DNER: variants seen among roughly 807,000 people sequenced by gnomAD.
DNER encodes the protein delta/notch like EGF repeat containing.
Under a neutral mutation model 78.2 loss-of-function variants are expected in DNER, and 33 were observed. The ratio of observed to expected loss-of-function variants is 0.42; its 90% CI spans 0.32 to 0.56. The LOEUF is 0.56. Ranked by LOEUF, DNER falls within the 20% of genes least tolerant of loss-of-function variation. The probability of loss-of-function intolerance (pLI) is 0.11; values close to 1 mark genes in which losing one functional copy is unlikely to be tolerated. For synonymous variants in DNER, 417 were observed against 384.8 expected (o/e 1.08, Z -0.98); for missense variants, 918 against 975.3 (o/e 0.94, Z 0.78).
chr2:229,520,034 C>A (rs1696063124), intron 5 of DNER, among the ~76,000 whole-genome samples: 1 of 152,084 alleles, frequency 6.6e-6, no homozygotes, highest in Non-Finnish European at 1.5e-5. Flanking sequence ...CCTAATTGCT[C>A]CTGAACAGAC....
rs769355249 is a variant in DNER at position 229,387,501 on chromosome 2, A to G, written c.1855+764T>C. Among the ~76,000 whole-genome samples the G allele has an allele frequency of 4.2e-3, 409 of 97,250 alleles. 1 individual carries two copies. Among genetic ancestry groups the G allele is most frequent in the African/African-American group, 0.013 (383 of 28,494 alleles). The allele number at this position is 97,250 out of a possible 152,430, so 63.8% of individuals were successfully genotyped here. A position where few individuals can be genotyped will look rare whatever the true frequency, so the allele number is the denominator to read the frequency against. Reference sequence around the variant, plus strand: ...AGAAAGAAAAAGAAAGAAAGAAAGAAAGAAAGAGAGAAAGAAAGAAAGAAA... The same window carrying G: ...AGAAAGAAAAAGAAAGAAAGAAAGAGAGAAAGAGAGAAAGAAAGAAAGAAA... On this transcript the variant is annotated intron_variant, in intron 11 of 12. Coordinates refer to ENST00000341772, the MANE Select transcript of DNER (RefSeq NM_139072.4).
chr2:229,545,545 G>A (rs1266446311), intron 5 of DNER, among the ~76,000 whole-genome samples: 1 of 152,236 alleles, frequency 6.6e-6, no homozygotes, highest in Non-Finnish European at 1.5e-5. Context: ...CTGCACTCCA[G>A]CCTGGGTGAC....
chr2:229,516,297 T>C (rs1451305394), intron 5 of DNER, among the ~76,000 whole-genome samples: 2 of 152,228 alleles, frequency 1.3e-5, no homozygotes, highest in Non-Finnish European at 2.9e-5. Flanking sequence ...TAAGAGATCA[T>C]GAATGTTTAT....
chr2:229,426,273 C>T (rs1693875112), intron 8 of DNER, among the ~76,000 whole-genome samples: 2 of 151,878 alleles, frequency 1.3e-5, no homozygotes, highest in Non-Finnish European at 2.9e-5. Flanking sequence ...AACCCTGTCT[C>T]TACTAAAAAT....
chr2:229,592,197 A>T (rs1428572052), intron 1 of DNER, among the ~76,000 whole-genome samples: 2 of 152,214 alleles, frequency 1.3e-5, no homozygotes, highest in East Asian at 3.8e-4. Context: ...TAGGGCAAAA[A>T]TAGTTAAAAC....
rs1020189479 is a variant in DNER, at chr2:229,714,340, G to A, written c.84C>T (p.Pro28=). The A allele has an allele frequency of 7.9e-7, 1 of 1,261,312 alleles. No individual in the cohort carries two copies. Among genetic ancestry groups the A allele is most frequent in the South Asian group, 3.0e-5 (1 of 33,546 alleles). 78.1% of individuals were successfully genotyped at this position (1,261,312 alleles called of 1,614,324 possible). ...ALLLLLLGAG[P]RGSSLANPVP... ...CCGGGTTGGCCAGGGAGCTGCCTCG[G>A]GGCCCCGCTCCGAGCAGCAGCAGCA... The change falls in exon 1 of 13, where the codon CCC becomes CCT. Residue 28 remains proline (P), a synonymous_variant. Coordinates refer to ENST00000341772, the MANE Select transcript of DNER (RefSeq NM_139072.4).
rs767257830 is a variant in DNER, at chr2:229,407,217, C to G, written c.1723+15G>C. The G allele has an allele frequency of 2.0e-5, 32 of 1,593,342 alleles. No homozygotes were observed. The highest frequency in any genetic ancestry group is 2.7e-5 in the Non-Finnish European group (31 of 1,163,884). ...TTGTGGTAAATTTGAAAACTCAGTC[C>G]CTGGAATCACTTGCCTGTAAACCCG... On this transcript the variant is annotated intron_variant, in intron 10 of 12. Transcript: ENST00000341772.
At chr2:229,569,421 C>G (rs1165156201) in intron 4 of DNER, among the ~76,000 whole-genome samples, 1 of 152,136 alleles carries the variant, frequency 6.6e-6, no homozygotes, top group Admixed American at 6.5e-5. Context: ...ACTCAGGAAG[C>G]TGAGGCAGGA....
At chr2:229,363,225 C>T (rs1386722552) in intron 12 of DNER, among the ~76,000 whole-genome samples, 2 of 152,224 alleles carry the variant, frequency 1.3e-5, no homozygotes, top group Non-Finnish European at 2.9e-5. Flanking sequence ...AACCAACAGA[C>T]TCTGACATCA....
At chr2:229,483,308 A>G (rs1294453864) in intron 6 of DNER, among the ~76,000 whole-genome samples, 1 of 152,216 alleles carries the variant, frequency 6.6e-6, no homozygotes, top group African/African-American at 2.4e-5. Context: ...GAGTCTTCCA[A>G]TCACAAGAAG....
intron 11 of DNER, among the ~76,000 whole-genome samples, chr2:229,367,952 A>G (rs1395993303): frequency 6.6e-6 from 1 of 152,240 alleles, no homozygotes; most frequent in Non-Finnish European, 1.5e-5. Flanking sequence ...CACCTATTCC[A>G]TATTTAGAAA....
intron 1 of DNER, among the ~76,000 whole-genome samples, chr2:229,665,292 G>A (rs976085671): frequency 7.9e-5 from 12 of 152,230 alleles, no homozygotes; most frequent in African/African-American, 2.9e-4. Context: ...CCAGCAGAAA[G>A]AAAGCCATAG....
intron 12 of DNER, among the ~76,000 whole-genome samples, chr2:229,359,482 C>A (rs1692164139): frequency 6.6e-6 from 1 of 152,186 alleles, no homozygotes; most frequent in Admixed American, 6.5e-5. Context: ...CCCTGGAGTG[C>A]AACAGGATTC....
At chr2:229,601,493 T>G (rs1350162544) in intron 1 of DNER, among the ~76,000 whole-genome samples, 1 of 152,238 alleles carries the variant, frequency 6.6e-6, no homozygotes, top group African/African-American at 2.4e-5. Flanking sequence ...TTTTGATAGG[T>G]CTTTACTTCT....
intron 1 of DNER, among the ~76,000 whole-genome samples, chr2:229,674,151 GT>G (rs1244410611): frequency 6.6e-6 from 1 of 152,214 alleles, no homozygotes; most frequent in Non-Finnish European, 1.5e-5. Context: ...GTACTTCAGG[GT>G]CCCTGGTTGG....
At chr2:229,445,346 G>A (rs1429658716) in intron 8 of DNER, among the ~76,000 whole-genome samples, 1 of 152,178 alleles carries the variant, frequency 6.6e-6, no homozygotes, top group Non-Finnish European at 1.5e-5. Context: ...AGAGCATGGA[G>A]GTCAACCAAG....
At chr2:229,429,658 C>T (rs974497454) in intron 8 of DNER, among the ~76,000 whole-genome samples, 6 of 152,164 alleles carry the variant, frequency 3.9e-5, no homozygotes, top group Non-Finnish European at 8.8e-5. Flanking sequence ...TACCCTGAGC[C>T]ATAGTTTCAC....
intron 6 of DNER, among the ~76,000 whole-genome samples, chr2:229,496,582 C>T (rs909890773): frequency 6.6e-6 from 1 of 151,900 alleles, no homozygotes; most frequent in African/African-American, 2.4e-5. Context: ...TAAGGACACA[C>T]ATAGATCCAA....
chr2:229,646,234 T>C (rs184951851), intron 1 of DNER, among the ~76,000 whole-genome samples: 159 of 152,274 alleles, frequency 1.0e-3, no homozygotes, highest in African/African-American at 3.7e-3. Flanking sequence ...TTATAAGAAG[T>C]GGCAATGACT....
Sources: allele counts gnomAD v4.1 joint callset (sites outside exome capture counted in the v4.1 genomes callset), GRCh38; gene constraint gnomAD v4.1.1; transcripts MANE v1.5; gene names NCBI Gene and HGNC (gene_info 2026-07-23, HGNC 2026-07-21).